Variants in A2M observed in about 807,000 individuals in gnomAD.
A2M encodes alpha-2-macroglobulin, also known as C3 and PZP-like alpha-2-macroglobulin domain-containing protein 5.
A2M carries 128 observed loss-of-function variants against 183.9 expected under a neutral mutation model. The ratio of observed to expected loss-of-function variants is 0.70; its 90% CI spans 0.60 to 0.81. The LOEUF (loss-of-function observed/expected upper bound fraction) is 0.81, where lower values mean the gene tolerates loss of function less well. Among genes scored for constraint, A2M ranks in the 30% least tolerant of loss-of-function variants. The pLI is 0.00. For synonymous variants in A2M, 592 were observed against 670.8 expected, an observed-to-expected ratio of 0.88 and a Z score of 1.81; for missense variants, 1,495 against 1,787.6, an observed-to-expected ratio of 0.84 and a Z score of 2.95.
At chr12:9,083,039 T>G (rs1353950615) in intron 22 of A2M, among the ~76,000 whole-genome samples, 1 of 152,148 alleles carries the variant, frequency 6.6e-6, no homozygotes, top group Non-Finnish European at 1.5e-5. Context: ...CCACCAACAG[T>G]GTAAAAGTGT....
chr12:9,105,680 G>C (rs1938232490), intron 10 of A2M, among the ~76,000 whole-genome samples: 1 of 152,106 alleles, frequency 6.6e-6, no homozygotes, highest in African/African-American at 2.4e-5. Context: ...AAAAATCTGA[G>C]AACCTTAAAT....
chr12:9,095,823 A>G (rs1042571417), intron 15 of A2M, 123 bp from the exon 16 acceptor site: 12 of 751,862 alleles, frequency 1.6e-5, no homozygotes, highest in Admixed American at 7.1e-5. Flanking sequence ...GCAGTGGCGC[A>G]ATCTCGGCTC....
chr12:9,098,881 G>T, intron 14 of A2M, 125 bp from the exon 15 acceptor site: 1 of 1,032,266 alleles, frequency 9.7e-7, no homozygotes, highest in African/African-American at 1.6e-5. Context: ...TGGAGGGTTG[G>T]CATTGTGTCA....
chr12:9,098,758 T>C lies in A2M; in HGVS notation c.1702-2A>G. ...TGATGGGCTGAAGCTCAAATCCACCTGTGAAATTGGAACAAAAGGTCAGAA... is the reference window on the plus strand; with the variant it reads ...TGATGGGCTGAAGCTCAAATCCACCCGTGAAATTGGAACAAAAGGTCAGAA... On this transcript the variant is annotated splice_acceptor_variant, in intron 14 of 35. Coordinates refer to ENST00000318602, the MANE Select transcript of A2M (RefSeq NM_000014.6). LOFTEE classifies it high-confidence loss of function. The C allele has an allele frequency of 6.2e-7, 1 of 1,612,350 alleles. No homozygotes were observed. The highest frequency in any genetic ancestry group is 2.2e-5 in the East Asian group (1 of 44,858).
chr12:9,102,560 C>T (rs140757190), intron 11 of A2M, among the ~76,000 whole-genome samples: 116 of 152,252 alleles, frequency 7.6e-4, no homozygotes, highest in African/African-American at 2.8e-3. Flanking sequence ...GATTCTAATA[C>T]CTCAGAGGCC....
intron 14 of A2M, among the ~76,000 whole-genome samples, 150 bp downstream of exon 14, chr12:9,099,228 GCTT>G (rs3832850): frequency 0.33 from 50,614 of 151,844 alleles, 8,824 homozygotes; most frequent in Admixed American, 0.37. Context: ...AAGTGATTCT[GCTT>G]CTTAGTGTGA....
chr12:9,070,722 G>T (rs1381841606), intron 31 of A2M, 144 bp from the exon 32 acceptor site: 2 of 612,464 alleles, frequency 3.3e-6, no homozygotes, highest in Non-Finnish European at 5.7e-6. Context: ...TGTAAAAGTG[G>T]TGTGCGTAGA....
In A2M at chr12:9,106,471, T is replaced by C. The variant is rs1186295926; in HGVS notation, c.994+20A>G. ...TCAATGCCTGTTGTGTTTTCTCTTA[T>C]ACCCATGTAGTACACAAACCTGTTC... On this transcript the variant is annotated intron_variant, in intron 9 of 35. Transcript: ENST00000318602. 1.3e-6 allele frequency: 2 copies of C among 1,507,132 alleles called. No homozygotes were observed. Among genetic ancestry groups the C allele is most frequent in the East Asian group, 2.3e-5 (1 of 43,912 alleles). The allele number at this position is 1,507,132 out of a possible 1,614,324, so 93.4% of individuals were successfully genotyped here. A position where few individuals can be genotyped will look rare whatever the true frequency, so the allele number is the denominator to read the frequency against.
chr12:9,098,661 A>C lies in A2M; in HGVS notation c.1797T>G (p.Ala599=), dbSNP rs759340331. The change falls in exon 15 of 36, where the codon GCT becomes GCG. Residue 599 remains alanine, a synonymous_variant. Transcript: ENST00000318602. The stretch of plus-strand genomic sequence containing the variant: ...TCATGAGCAGCACGCTTTGGTCCAC[A>C]GCACGGAGGGCGCAGACGGACTGAG... ...AAPQSVCALR[A]VDQSVLLMKP... The C allele has an allele frequency of 1.2e-6, 2 of 1,610,674 alleles. No homozygotes were observed.
chr12:9,108,372 C>T (rs1938468348), intron 7 of A2M, among the ~76,000 whole-genome samples: 1 of 152,060 alleles, frequency 6.6e-6, no homozygotes, highest in Non-Finnish European at 1.5e-5. Flanking sequence ...GTGATCTGCC[C>T]ACCTCAGCCT....
At chr12:9,097,516 A>G (rs926214692) in intron 15 of A2M, among the ~76,000 whole-genome samples, 1 of 152,186 alleles carries the variant, frequency 6.6e-6, no homozygotes, top group African/African-American at 2.4e-5. Context: ...TTCAGTTATC[A>G]ATGTCAATTA....
intron 15 of A2M, among the ~76,000 whole-genome samples, chr12:9,098,225 C>T (rs1949443409): frequency 3.3e-5 from 5 of 152,088 alleles, no homozygotes; most frequent in Admixed American, 3.3e-4. Flanking sequence ...GTATTCTCTC[C>T]AGCCTTGCAT....
At chr12:9,103,343 G>A (rs1669756281) in intron 11 of A2M, among the ~76,000 whole-genome samples, 1 of 151,976 alleles carries the variant, frequency 6.6e-6, no homozygotes, top group African/African-American at 2.4e-5. Flanking sequence ...CTTAAAATAG[G>A]GTTGAGCCAG....
chr12:9,080,364 G>A (rs932839623), intron 22 of A2M, 187 bp from the exon 23 acceptor site: 37 of 386,360 alleles, frequency 9.6e-5, no homozygotes, highest in East Asian at 2.3e-4. Context: ...GTGATTTTCA[G>A]AATTTCTTCT....
Position 9,095,018 on chromosome 12 carries a change from G to C in A2M, c.2080C>G (p.Gln694Glu). Residue 694 changes from glutamine to glutamate, a missense_variant, in exon 17 of 36, where the codon CAG (glutamine) becomes GAG (glutamate). Transcript: ENST00000318602. ...CCTTCAGGTCCATGCATTTCATACTGTTGAAGCTGTGGACACATTTTGGGT... is the reference window on the plus strand; with the variant it reads ...CCTTCAGGTCCATGCATTTCATACTCTTGAAGCTGTGGACACATTTTGGGT... ...RKPKMCPQLQ[Q>E]YEMHGPEGLR... is the part of the protein sequence containing the mutation. 1 of 1,595,556 alleles carries C rather than the reference G, an allele frequency of 6.3e-7. No individual in the cohort carries two copies.
rs1183654694 is a variant in A2M, at chr12:9,101,501, A to G, written c.1440T>C (p.Tyr480=). 3.7e-6 allele frequency: 6 copies of G among 1,613,834 alleles called. No individual in the cohort carries two copies. The highest frequency in any genetic ancestry group is 4.2e-6 in the Non-Finnish European group (5 of 1,179,884). ...CCAGCAGGGTGCCTCCATTCAGAAT[A>G]TAATGTGCCTGGACTGTCTGAGTAT... The part of the protein sequence containing the change: ...CGHTQTVQAH[Y]ILNGGTLLGL... The change falls in exon 12 of 36, where the codon TAT becomes TAC. Residue 480 remains tyrosine, a synonymous_variant. Transcript: ENST00000318602.
At chr12:9,093,397 C>T (rs1358164641) in intron 18 of A2M, 68 bp downstream of exon 18, 1 of 1,061,982 alleles carries the variant, frequency 9.4e-7, no homozygotes, top group Non-Finnish European at 1.5e-6. Flanking sequence ...AACAGAAAAA[C>T]TAGCAAAGAG....
chr12:9,094,160 CAT>C (rs1466788761), intron 17 of A2M, among the ~76,000 whole-genome samples: 8 of 151,886 alleles, frequency 5.3e-5, no homozygotes, highest in Non-Finnish European at 1.0e-4. Flanking sequence ...AACTGACACA[CAT>C]GTTATGACAG....
intron 15 of A2M, among the ~76,000 whole-genome samples, chr12:9,096,285 A>T (rs990918409): frequency 2.6e-5 from 4 of 152,216 alleles, no homozygotes; most frequent in South Asian, 4.1e-4. Context: ...AGAGGCCACC[A>T]CTAGACTCAA....
Sources: gnomAD v4.1 joint callset for allele counts (sites outside exome capture counted in the v4.1 genomes callset) on GRCh38, gnomAD v4.1.1 for gene constraint, MANE v1.5 for transcripts, NCBI Gene and HGNC (gene_info 2026-07-23, HGNC 2026-07-21) for gene names.